GSE1: variants seen among roughly 807,000 people sequenced by gnomAD.
GSE1 encodes Gse1 coiled-coil protein.
GSE1 carries 32 observed loss-of-function variants against 112.6 expected under a neutral mutation model. The ratio of observed to expected loss-of-function variants is 0.28; its 90% CI spans 0.21 to 0.38. The LOEUF (loss-of-function observed/expected upper bound fraction) is 0.38. Ranked by LOEUF, GSE1 falls within the 10% of genes least tolerant of loss-of-function variation. The probability of loss-of-function intolerance (pLI) is 1.00; values close to 1 mark genes in which losing one functional copy is unlikely to be tolerated. For synonymous variants in GSE1, 1,115 were observed against 735.6 expected (o/e 1.52, Z -8.35); for missense variants, 2,348 against 1,699.2 (o/e 1.38, Z -6.71).
intron 2 of GSE1, among the ~76,000 whole-genome samples, chr16:85,441,805 T>TC (rs1291511359): frequency 2.0e-5 from 3 of 152,192 alleles, no homozygotes; most frequent in Non-Finnish European, 4.4e-5. Flanking sequence ...CCTCCCTGCC[T>TC]CCCCTCTAAC....
chr16:85,180,643 T>C (rs2074564157), intron 1 of GSE1, among the ~76,000 whole-genome samples: 1 of 152,052 alleles, frequency 6.6e-6, no homozygotes, highest in African/African-American at 2.4e-5. Context: ...CACAGAGAGG[T>C]TAAGTCACTT....
chr16:85,463,856 G>C (rs1009090719), intron 2 of GSE1, among the ~76,000 whole-genome samples: 17 of 152,290 alleles, frequency 1.1e-4, no homozygotes, highest in African/African-American at 3.9e-4. Flanking sequence ...TGAAGCTGGC[G>C]GTGGGCCACT....
intron 1 of GSE1, among the ~76,000 whole-genome samples, chr16:85,558,479 A>T (rs532376411): frequency 6.6e-6 from 1 of 152,222 alleles, no homozygotes; most frequent in African/African-American, 2.4e-5. Flanking sequence ...CTGTTTACAC[A>T]GGGAGACTCA....
intron 2 of GSE1, among the ~76,000 whole-genome samples, chr16:85,377,229 C>T (rs2151611950): frequency 6.6e-6 from 1 of 152,308 alleles, no homozygotes; most frequent in Middle Eastern, 3.4e-3. Flanking sequence ...CTCTGTGCTT[C>T]TCTCTGGGTG....
chr16:85,400,047 A>C (rs1310112941), intron 2 of GSE1, among the ~76,000 whole-genome samples: 1 of 152,246 alleles, frequency 6.6e-6, no homozygotes, highest in Non-Finnish European at 1.5e-5. Context: ...GGCCTCCTGC[A>C]GGGACCTTGT....
chr16:85,649,996 G>GCCTGACGTTGCCTCTGCTT (rs1291338059), intron 3 of GSE1, among the ~76,000 whole-genome samples: 1 of 152,188 alleles, frequency 6.6e-6, no homozygotes, highest in Admixed American at 6.5e-5. Context: ...GACCCCCGGG[G>GCCTGACGTTGCCTCTGCTT]CCTGACGTTG....
intron 1 of GSE1, among the ~76,000 whole-genome samples, chr16:85,200,818 G>GCCA (rs1157673604): frequency 6.6e-6 from 1 of 152,162 alleles, no homozygotes; most frequent in Non-Finnish European, 1.5e-5. Context: ...GTGCTGTGCA[G>GCCA]CCACCACCAC....
intron 1 of GSE1, among the ~76,000 whole-genome samples, chr16:85,633,446 G>A (rs553393910): frequency 2.6e-5 from 4 of 152,352 alleles, no homozygotes; most frequent in South Asian, 2.1e-4. Context: ...TGTGCTTGTC[G>A]CGTCAGTGGC....
At chr16:85,663,160 C>A (rs2052570259) in intron 10 of GSE1, 67 bp downstream of exon 10, 1 of 1,257,322 alleles carries the variant, frequency 8.0e-7, no homozygotes, top group African/African-American at 1.5e-5. Context: ...CCACACCCTG[C>A]AGTCCACCCC....
chr16:85,469,644 G>A (rs914575044), intron 2 of GSE1, among the ~76,000 whole-genome samples: 2 of 152,360 alleles, frequency 1.3e-5, no homozygotes, highest in South Asian at 2.1e-4. Flanking sequence ...GAGGCCCCCA[G>A]TACTGTGGGG....
At chr16:85,583,919 G>T (rs944931252) in intron 1 of GSE1, among the ~76,000 whole-genome samples, 7 of 152,194 alleles carry the variant, frequency 4.6e-5, no homozygotes, top group African/African-American at 1.7e-4. Flanking sequence ...AGACAGTGAT[G>T]GTCCAGTGAG....
chr16:85,287,297 A>G (rs2151433612), intron 1 of GSE1, among the ~76,000 whole-genome samples: 1 of 152,326 alleles, frequency 6.6e-6, no homozygotes. Context: ...ATGGGGCCGG[A>G]GCAAGCTGGG....
intron 2 of GSE1, among the ~76,000 whole-genome samples, chr16:85,503,331 G>A (rs2051432227): frequency 6.6e-6 from 1 of 152,204 alleles, no homozygotes; most frequent in Non-Finnish European, 1.5e-5. Context: ...AAGGGTGTGG[G>A]CAGGTGCAGT....
chr16:85,496,875 G>A (rs901633050), intron 2 of GSE1, among the ~76,000 whole-genome samples: 6 of 151,528 alleles, frequency 4.0e-5, no homozygotes, highest in South Asian at 4.2e-4. Context: ...GGGTTTCCAC[G>A]TGCCCCCTTT....
Position 85,672,395 on chromosome 16 carries a change from C to G in GSE1, c.3520-10C>G. 1 of 1,606,256 alleles carries G rather than the reference C, an allele frequency of 6.2e-7. No homozygotes were observed. The highest frequency in any genetic ancestry group is 8.5e-7 in the Non-Finnish European group (1 of 1,173,734). On this transcript the variant is annotated splice_polypyrimidine_tract_variant and intron_variant, in intron 15 of 15. Coordinates refer to ENST00000253458, the MANE Select transcript of GSE1 (RefSeq NM_014615.5). ...CGGGTTGGTTTTGACACAAATTTCCCTCTCTCCAGGAGTTGAGGAGCCAGA... is the reference window on the plus strand; with the variant it reads ...CGGGTTGGTTTTGACACAAATTTCCGTCTCTCCAGGAGTTGAGGAGCCAGA...
intron 2 of GSE1, among the ~76,000 whole-genome samples, chr16:85,544,317 C>T (rs17802160): frequency 6.6e-6 from 1 of 151,940 alleles, no homozygotes; most frequent in African/African-American, 2.4e-5. Flanking sequence ...TTTGTAAGTG[C>T]CAGGACAGAG....
In GSE1 at chr16:85,673,812, C is replaced by G. The variant is rs1435351310; in HGVS notation, c.*1273C>G. Reference sequence around the variant, plus strand: ...CACATGGGCGGGGGCTTTTAAAAACCTTTCAGGAAGTCAATGATTTCTGTG... The same window carrying G: ...CACATGGGCGGGGGCTTTTAAAAACGTTTCAGGAAGTCAATGATTTCTGTG... On this transcript the variant is annotated 3_prime_UTR_variant, in exon 16 of 16. Coordinates refer to ENST00000253458, the MANE Select transcript of GSE1 (RefSeq NM_014615.5). The G allele has an allele frequency of 6.6e-6, 1 of 152,200 alleles. No homozygotes were observed. The highest frequency in any genetic ancestry group is 2.4e-5 in the African/African-American group (1 of 41,442). 9.4% of individuals were successfully genotyped at this position (152,200 alleles called of 1,614,324 possible). A position where few individuals can be genotyped will look rare whatever the true frequency, so the allele number is the denominator to read the frequency against.
At chr16:85,603,259 G>C (rs1598344830) in intron 1 of GSE1, among the ~76,000 whole-genome samples, 1 of 152,244 alleles carries the variant, frequency 6.6e-6, no homozygotes, top group East Asian at 1.9e-4. Context: ...TCCACAGAGA[G>C]GGCACCGTGT....
upstream of GSE1, among the ~76,000 whole-genome samples, chr16:85,612,206 C>G (rs1008510794): frequency 8.7e-5 from 13 of 150,078 alleles, no homozygotes; most frequent in Non-Finnish European, 1.6e-4. Flanking sequence ...CCTTTAACCC[C>G]GAGCTTCCTG....
Sources: allele counts gnomAD v4.1 joint callset (sites outside exome capture counted in the v4.1 genomes callset), GRCh38; gene constraint gnomAD v4.1.1; transcripts MANE v1.5; gene names NCBI Gene and HGNC (gene_info 2026-07-23, HGNC 2026-07-21).